The following TSPAN9 variants were observed in gnomAD, a reference collection of about 807,000 sequenced individuals.
TSPAN9 encodes the protein tetraspanin-9.
A neutral mutation model predicts 31.0 loss-of-function variants in TSPAN9; 16 were observed. The ratio of observed to expected loss-of-function variants is 0.52; its 90% CI spans 0.35 to 0.78. The LOEUF (loss-of-function observed/expected upper bound fraction) is 0.78, where lower values mean the gene tolerates loss of function less well. TSPAN9 is among the 30% of genes least tolerant of loss of function. The pLI is 0.01. For synonymous variants in TSPAN9, 145 were observed against 121.6 expected (o/e 1.19, Z -1.27); for missense variants, 272 against 312.5 (o/e 0.87, Z 0.98).
chr12:3,187,243 C>CG lies in TSPAN9; in HGVS notation c.-17-13930dup, dbSNP rs1474974792. 1.3e-5 allele frequency among the ~76,000 whole-genome samples: 2 copies of CG among 152,076 alleles called. No individual in the cohort carries two copies. Among genetic ancestry groups the CG allele is most frequent in the Non-Finnish European group, 2.9e-5 (2 of 68,010 alleles). On this transcript the variant is annotated intron_variant, in intron 2 of 8. Coordinates refer to ENST00000011898, the MANE Select transcript of TSPAN9 (RefSeq NM_006675.5). The surrounding 1 kb of genome is among the most constrained non-coding windows in gnomAD (Gnocchi z 5.2). ...TGAGGGTGATGAAGGTTGGGGTTGGCGGGGCAGTGGTGTGTTTTCCAGGAT... is the reference window on the plus strand; with the variant it reads ...TGAGGGTGATGAAGGTTGGGGTTGGCGGGGGCAGTGGTGTGTTTTCCAGGAT...
At chr12:3,120,941 C>T (rs1291833749) in intron 2 of TSPAN9, among the ~76,000 whole-genome samples, 6 of 152,236 alleles carry the variant, frequency 3.9e-5, no homozygotes, top group South Asian at 2.1e-4. Flanking sequence ...GTCAGAGAGG[C>T]GGCTTGGGCC....
At chr12:3,086,350 ATTG>A (rs2098300493) in intron 2 of TSPAN9, among the ~76,000 whole-genome samples, 4 of 145,496 alleles carry the variant, frequency 2.7e-5, no homozygotes, top group African/African-American at 7.7e-5. Flanking sequence ...TTTTTGGCCT[ATTG>A]TTTAGTATTA....
chr12:3,241,001 T>G (rs1044051574), intron 3 of TSPAN9, among the ~76,000 whole-genome samples: 2 of 152,220 alleles, frequency 1.3e-5, no homozygotes, highest in African/African-American at 4.8e-5. Context: ...GCTAATATGA[T>G]GGAGCTTTCT....
rs74054897 is a variant in TSPAN9 at position 3,090,087 on chromosome 12, T to C, written c.-18+6368T>C. ...TGTATTATTTCCAGATATTTCTGGA[T>C]AGACTAGCATCCAGCCGTCCACCTA... On this transcript the variant is annotated intron_variant, in intron 2 of 8. Coordinates refer to ENST00000011898, the MANE Select transcript of TSPAN9 (RefSeq NM_006675.5). Among the ~76,000 whole-genome samples, 791 of 152,322 alleles carry C rather than the reference T, an allele frequency of 5.2e-3. 9 individuals are homozygous for C. Among genetic ancestry groups the C allele is most frequent in the African/African-American group, 0.018 (758 of 41,560 alleles).
chr12:3,161,771 A>AAATC (rs1445281758), intron 2 of TSPAN9, among the ~76,000 whole-genome samples: 3 of 146,202 alleles, frequency 2.1e-5, no homozygotes, highest in Non-Finnish European at 3.0e-5. Context: ...TCTTGGGTTG[A>AAATC]AATCTATCTA....
At chr12:3,244,759 C>T (rs1434827981) in intron 3 of TSPAN9, among the ~76,000 whole-genome samples, 3 of 152,128 alleles carry the variant, frequency 2.0e-5, no homozygotes, top group African/African-American at 4.8e-5. Flanking sequence ...GGCCAGAGCT[C>T]AGCAGTAGAG....
At chr12:3,138,991 C>T (rs989413958) in intron 2 of TSPAN9, among the ~76,000 whole-genome samples, 3 of 152,180 alleles carry the variant, frequency 2.0e-5, no homozygotes, top group African/African-American at 7.2e-5. Context: ...GGGCTACAGG[C>T]TGTGGACGCC....
chr12:3,281,287 C>T lies in TSPAN9; in HGVS notation c.522C>T (p.Ser174=). ...CCGACCGCTGCTGCATGGAGAACTC[C>T]CAGGGCTGCGGGCGCAACGCCACCA... ...TVPDRCCMEN[S]QGCGRNATTP... is the part of the protein sequence containing the mutation. The change falls in exon 7 of 9, where the codon TCC becomes TCT. Residue 174 remains serine, a synonymous_variant. Transcript: ENST00000011898. The T allele has an allele frequency of 6.4e-7, 1 of 1,551,208 alleles. No homozygotes were observed. The highest frequency in any genetic ancestry group is 1.4e-5 in the African/African-American group (1 of 73,176).
intron 2 of TSPAN9, chr12:3,171,912 T>C (rs1385758883): frequency 4.6e-5 from 7 of 152,124 alleles, no homozygotes; most frequent in Non-Finnish European, 2.9e-5. Flanking sequence ...CCCCAGGGGA[T>C]GAAGGGTGCA....
chr12:3,216,649 G>T (rs10848825), intron 3 of TSPAN9, among the ~76,000 whole-genome samples: 21,076 of 152,196 alleles, frequency 0.14, 1,800 homozygotes, highest in African/African-American at 0.24. Context: ...ACCCGGAGTG[G>T]CCCTAATGGG....
intron 3 of TSPAN9, among the ~76,000 whole-genome samples, chr12:3,224,049 T>G (rs2098385906): frequency 1.3e-5 from 2 of 151,914 alleles, no homozygotes; most frequent in Non-Finnish European, 2.9e-5. Flanking sequence ...TCAGATGGAT[T>G]TGTGCTTCTT....
intron 3 of TSPAN9, among the ~76,000 whole-genome samples, chr12:3,230,011 A>G (rs2098389846): frequency 6.6e-6 from 1 of 152,164 alleles, no homozygotes; most frequent in Non-Finnish European, 1.5e-5. Context: ...AGCACAACGG[A>G]GCAGTGTGTA....
intron 3 of TSPAN9, among the ~76,000 whole-genome samples, chr12:3,239,497 G>A (rs1243640020): frequency 1.3e-5 from 2 of 152,172 alleles, no homozygotes; most frequent in Non-Finnish European, 2.9e-5. Context: ...CTCCATGGGC[G>A]AGCAGTGTCT....
In TSPAN9 at chr12:3,102,496, G is replaced by A. The variant is rs1321414462; in HGVS notation, c.-18+18777G>A. Among the ~76,000 whole-genome samples the A allele has an allele frequency of 6.7e-5, 10 of 148,790 alleles. No individual in the cohort carries two copies. In the South Asian group the frequency reaches 1.1e-3, roughly 16 times the overall value. On this transcript the variant is annotated intron_variant, in intron 2 of 8. Transcript: ENST00000011898. Reference sequence around the variant, plus strand: ...GTCACCTAGGCTGGAGTGCAGTGGCGCGATCTCAGCTCACTACAAGCTCCG... The same window carrying A: ...GTCACCTAGGCTGGAGTGCAGTGGCACGATCTCAGCTCACTACAAGCTCCG...
chr12:3,155,607 A>AT (rs1415866187), intron 2 of TSPAN9, among the ~76,000 whole-genome samples: 4 of 149,250 alleles, frequency 2.7e-5, no homozygotes, highest in African/African-American at 9.7e-5. Context: ...AAAAAAAAAA[A>AT]AATAAAGAGG....
At chr12:3,281,374 G>A (rs1008862394) in intron 7 of TSPAN9, 45 bp downstream of exon 7, 75 of 1,523,858 alleles carry the variant, frequency 4.9e-5, no homozygotes, top group Non-Finnish European at 6.4e-5. Flanking sequence ...CCCGTGTGTG[G>A]ATGCCCCGGC....
intron 2 of TSPAN9, among the ~76,000 whole-genome samples, chr12:3,140,448 G>C (rs1190563277): frequency 6.6e-6 from 1 of 151,816 alleles, no homozygotes; most frequent in Non-Finnish European, 1.5e-5. Context: ...CGGGATGGAC[G>C]GGAAATAGAA....
chr12:3,100,623 G>T (rs1591627950), intron 2 of TSPAN9, among the ~76,000 whole-genome samples: 1 of 152,234 alleles, frequency 6.6e-6, no homozygotes, highest in East Asian at 1.9e-4. Flanking sequence ...AGACCTTGTG[G>T]CTTTACCAGG....
chr12:3,183,163 TAAAG>T (rs2098359345), intron 2 of TSPAN9, among the ~76,000 whole-genome samples: 2 of 152,298 alleles, frequency 1.3e-5, no homozygotes, highest in African/African-American at 4.8e-5. Flanking sequence ...CAGGGTGCCA[TAAAG>T]AAAGGCCACT....
Sources: allele counts gnomAD v4.1 joint callset (sites outside exome capture counted in the v4.1 genomes callset), GRCh38; gene constraint gnomAD v4.1.1; non-coding constraint Gnocchi (gnomAD v3.1); transcripts MANE v1.5; gene names NCBI Gene and HGNC (gene_info 2026-07-23, HGNC 2026-07-21).